The following SSBP2 variants were observed in gnomAD, a reference collection of about 807,000 sequenced individuals.
SSBP2 encodes single stranded DNA binding protein 2, also known as single-stranded DNA-binding protein 2.
Under a neutral mutation model 61.8 loss-of-function variants are expected in SSBP2, and 17 were observed. That is an observed-to-expected ratio of 0.28 (90% CI 0.19 to 0.41). The LOEUF is 0.41. SSBP2 is among the 10% of genes least tolerant of loss of function. SSBP2 has a pLI of 1.00. For synonymous variants in SSBP2, 139 were observed against 141.3 expected (o/e 0.98, Z 0.12); for missense variants, 310 against 458.7 (o/e 0.68, Z 2.96).
intron 16 of SSBP2, 145 bp downstream of exon 16, chr5:81,428,440 A>G (rs2153905208): frequency 1.7e-6 from 1 of 581,886 alleles, no homozygotes; most frequent in South Asian, 2.4e-5. Context: ...ATTTTCAAAG[A>G]TATTCCACTT....
At chr5:81,470,013 C>T (rs545352049) in intron 8 of SSBP2, among the ~76,000 whole-genome samples, 1 of 151,974 alleles carries the variant, frequency 6.6e-6, no homozygotes, top group East Asian at 1.9e-4. Context: ...CTGTACTGAG[C>T]TAAATTCTAC....
chr5:81,716,509 A>G (rs1340073225), intron 1 of SSBP2, among the ~76,000 whole-genome samples: 2 of 152,238 alleles, frequency 1.3e-5, no homozygotes, highest in Non-Finnish European at 2.9e-5. Context: ...AATATATTGC[A>G]GCACTGCCTT....
At chr5:81,649,030 A>G (rs1314653307) in intron 2 of SSBP2, among the ~76,000 whole-genome samples, 2 of 152,078 alleles carry the variant, frequency 1.3e-5, no homozygotes, top group Non-Finnish European at 2.9e-5. Context: ...AAAAATCTAT[A>G]TATGGCTAGT....
intron 5 of SSBP2, among the ~76,000 whole-genome samples, chr5:81,499,473 C>G (rs1767536584): frequency 6.6e-6 from 1 of 152,154 alleles, no homozygotes; most frequent in African/African-American, 2.4e-5. Flanking sequence ...GAATGGGAGA[C>G]TAAGCTGTCT....
At chr5:81,711,314 A>C (rs916856404) in intron 1 of SSBP2, among the ~76,000 whole-genome samples, 4 of 152,160 alleles carry the variant, frequency 2.6e-5, no homozygotes, top group African/African-American at 9.6e-5. Context: ...TATCAATGAA[A>C]TATCTATTCC....
At chr5:81,744,973 G>C (rs187032120) in intron 1 of SSBP2, among the ~76,000 whole-genome samples, 1 of 152,160 alleles carries the variant, frequency 6.6e-6, no homozygotes, top group East Asian at 1.9e-4. Flanking sequence ...AGGCTGATTT[G>C]AGTCCAGATG....
chr5:81,461,040 T>A lies in SSBP2; in HGVS notation c.687+15A>T. 7.4e-7 allele frequency: 1 copy of A among 1,350,520 alleles called. No individual in the cohort carries two copies. Among genetic ancestry groups the A allele is most frequent in the Non-Finnish European group, 9.7e-7 (1 of 1,033,520 alleles). 83.7% of individuals were successfully genotyped at this position (1,350,520 alleles called of 1,614,324 possible). On this transcript the variant is annotated intron_variant, in intron 10 of 16. Coordinates refer to ENST00000320672, the MANE Select transcript of SSBP2 (RefSeq NM_012446.5). ...AAAATGCAAAATATTAAAAAAAATATATATATATACTCACTGAATTGGCAT... is the reference window on the plus strand; with the variant it reads ...AAAATGCAAAATATTAAAAAAAATAAATATATATACTCACTGAATTGGCAT...
At chr5:81,445,434 A>C (rs961211738) in intron 12 of SSBP2, among the ~76,000 whole-genome samples, 3 of 151,920 alleles carry the variant, frequency 2.0e-5, no homozygotes, top group African/African-American at 4.8e-5. Flanking sequence ...TTAGTCTTGC[A>C]GTGAAGCATT....
chr5:81,513,470 A>G (rs1768774286), intron 5 of SSBP2, among the ~76,000 whole-genome samples, 158 bp downstream of exon 5: 1 of 152,200 alleles, frequency 6.6e-6, no homozygotes, highest in African/African-American at 2.4e-5. Context: ...ATAAGAAGAA[A>G]GGGATATAAT....
At chr5:81,483,377 C>T (rs1245929366) in intron 6 of SSBP2, among the ~76,000 whole-genome samples, 2 of 152,110 alleles carry the variant, frequency 1.3e-5, no homozygotes, top group African/African-American at 4.8e-5. Context: ...ATATAGTTCA[C>T]TCATGGAGAC....
chr5:81,440,230 T>C (rs1030494849), intron 14 of SSBP2, among the ~76,000 whole-genome samples: 2 of 152,058 alleles, frequency 1.3e-5, no homozygotes, highest in Admixed American at 1.3e-4. Flanking sequence ...AACAAACAGC[T>C]GCAAGAATAC....
chr5:81,594,458 C>G (rs1316020615), intron 4 of SSBP2, among the ~76,000 whole-genome samples: 5 of 151,966 alleles, frequency 3.3e-5, no homozygotes, highest in Non-Finnish European at 5.9e-5. Flanking sequence ...ACAAGGATAC[C>G]CAGGAATTGA....
At chr5:81,492,265 G>A (rs1766910784) in intron 5 of SSBP2, among the ~76,000 whole-genome samples, 1 of 152,192 alleles carries the variant, frequency 6.6e-6, no homozygotes, top group Non-Finnish European at 1.5e-5. Flanking sequence ...CACTTTGGGA[G>A]GCCGAGGTGG....
intron 15 of SSBP2, among the ~76,000 whole-genome samples, chr5:81,430,466 C>T (rs1382295598): frequency 3.3e-5 from 5 of 152,188 alleles, no homozygotes; most frequent in South Asian, 2.1e-4. Context: ...AGAGAAGCAG[C>T]GTATCTCAGA....
intron 2 of SSBP2, among the ~76,000 whole-genome samples, chr5:81,645,415 C>T (rs747807141): frequency 6.6e-6 from 1 of 152,110 alleles, no homozygotes; most frequent in Non-Finnish European, 1.5e-5. Context: ...CTATTTCAGG[C>T]TAACTTGTTG....
At chr5:81,452,667 C>G (rs889038666) in intron 10 of SSBP2, among the ~76,000 whole-genome samples, 1 of 152,104 alleles carries the variant, frequency 6.6e-6, no homozygotes, top group Non-Finnish European at 1.5e-5. Flanking sequence ...AGGTTTTCAA[C>G]GTGGTGACTG....
chr5:81,424,191 C>T (rs374113456), intron 16 of SSBP2, among the ~76,000 whole-genome samples: 3 of 151,936 alleles, frequency 2.0e-5, no homozygotes, highest in South Asian at 4.2e-4. Context: ...TTTGGGAGGC[C>T]GAGGTGGGTG....
At chr5:81,510,789 T>C (rs575203909) in intron 5 of SSBP2, among the ~76,000 whole-genome samples, 120 of 152,100 alleles carry the variant, frequency 7.9e-4, no homozygotes, top group Admixed American at 7.6e-3. Flanking sequence ...CTTGGAGTAC[T>C]GTAAAAGACT....
chr5:81,473,108 A>G (rs1351379294), intron 8 of SSBP2, among the ~76,000 whole-genome samples: 1 of 152,230 alleles, frequency 6.6e-6, no homozygotes, highest in Non-Finnish European at 1.5e-5. Context: ...GAGTCTAACA[A>G]CTATGTTACA....
Sources: gnomAD v4.1 joint callset for allele counts (sites outside exome capture counted in the v4.1 genomes callset) on GRCh38, gnomAD v4.1.1 for gene constraint, MANE v1.5 for transcripts, NCBI Gene and HGNC (gene_info 2026-07-23, HGNC 2026-07-21) for gene names.